Variants in SLC9A9 observed in about 807,000 individuals in gnomAD.
The protein encoded by SLC9A9 is solute carrier family 9 member A9, also known as sodium/hydrogen exchanger 9.
SLC9A9 carries 62 observed loss-of-function variants against 77.8 expected under a neutral mutation model. That is an observed-to-expected ratio of 0.80 (90% CI 0.65 to 0.98). SLC9A9 has a LOEUF of 0.98. Among genes scored for constraint, SLC9A9 ranks in the 50% least tolerant of loss-of-function variants. SLC9A9 has a pLI of 0.00. For missense variants in SLC9A9, 775 were observed against 774.9 expected (o/e 1.00, Z 0.00); for synonymous variants, 320 against 283.5 (o/e 1.13, Z -1.29).
chr3:143,432,395 A>G (rs1486951299), intron 12 of SLC9A9, among the ~76,000 whole-genome samples: 2 of 152,194 alleles, frequency 1.3e-5, no homozygotes, highest in Admixed American at 1.3e-4. Flanking sequence ...AGGCTCATTA[A>G]TAGGCACAGG....
intron 6 of SLC9A9, among the ~76,000 whole-genome samples, chr3:143,618,097 A>G (rs1404280069): frequency 6.6e-6 from 1 of 152,224 alleles, no homozygotes; most frequent in African/African-American, 2.4e-5. Context: ...ACAGCCAAGA[A>G]CACAGCTGAG....
chr3:143,824,930 G>A (rs182457981), intron 2 of SLC9A9, among the ~76,000 whole-genome samples: 28 of 152,224 alleles, frequency 1.8e-4, no homozygotes, highest in Non-Finnish European at 2.6e-4. Flanking sequence ...AGCTGCATCC[G>A]CCCAAACAGC....
chr3:143,479,493 T>C (rs1314073689), intron 11 of SLC9A9, among the ~76,000 whole-genome samples: 1 of 152,102 alleles, frequency 6.6e-6, no homozygotes, highest in Admixed American at 6.5e-5. Flanking sequence ...CCTCAAGCAA[T>C]CCTCCCACTT....
At chr3:143,834,775 G>C (rs2885194) in intron 1 of SLC9A9, among the ~76,000 whole-genome samples, 144,867 of 152,170 alleles carry the variant, frequency 0.95, 69,050 homozygotes, top group East Asian at 1. Context: ...TGGCCTCATT[G>C]TTCGAGAAGA....
At chr3:143,506,685 G>C (rs1309698885) in intron 9 of SLC9A9, among the ~76,000 whole-genome samples, 1 of 152,034 alleles carries the variant, frequency 6.6e-6, no homozygotes, top group Non-Finnish European at 1.5e-5. Flanking sequence ...AAGGCTGGGG[G>C]ACTCTTTTGG....
intron 4 of SLC9A9, among the ~76,000 whole-genome samples, chr3:143,770,899 G>T (rs561629602): frequency 6.6e-6 from 1 of 152,144 alleles, no homozygotes; most frequent in South Asian, 2.1e-4. Context: ...AATACAAATA[G>T]CTCCTAAACA....
At chr3:143,694,174 G>A (rs1420583663) in intron 4 of SLC9A9, among the ~76,000 whole-genome samples, 2 of 152,064 alleles carry the variant, frequency 1.3e-5, no homozygotes, top group Non-Finnish European at 2.9e-5. Context: ...TGAACTTAAA[G>A]TTAGTTCTCA....
At chr3:143,804,022 C>T (rs561720784) in intron 2 of SLC9A9, among the ~76,000 whole-genome samples, 1 of 152,258 alleles carries the variant, frequency 6.6e-6, no homozygotes, top group Admixed American at 6.5e-5. Context: ...ATGTGGACCC[C>T]TCACAACACA....
intron 5 of SLC9A9, among the ~76,000 whole-genome samples, chr3:143,668,075 C>A (rs1169835681): frequency 6.6e-6 from 1 of 152,052 alleles, no homozygotes; most frequent in Non-Finnish European, 1.5e-5. Flanking sequence ...AGACTTGGAA[C>A]CAACCCAAAT....
At chr3:143,676,022 G>A (rs532853851) in intron 5 of SLC9A9, among the ~76,000 whole-genome samples, 15 of 152,234 alleles carry the variant, frequency 9.9e-5, no homozygotes, top group African/African-American at 3.4e-4. Context: ...GGTGGGGATG[G>A]TTTCGGAATG....
intron 9 of SLC9A9, among the ~76,000 whole-genome samples, chr3:143,515,809 T>C (rs967012376): frequency 1.3e-5 from 2 of 152,234 alleles, no homozygotes; most frequent in Non-Finnish European, 2.9e-5. Context: ...TTTATATCTC[T>C]GTTTACGAGA....
chr3:143,419,753 AC>A (rs1482327857), intron 12 of SLC9A9, among the ~76,000 whole-genome samples: 4 of 152,072 alleles, frequency 2.6e-5, no homozygotes, highest in African/African-American at 9.7e-5. Context: ...ATGCAGATAA[AC>A]CCCCACAGGC....
chr3:143,802,470 A>G (rs2008590377), intron 2 of SLC9A9, among the ~76,000 whole-genome samples: 1 of 152,186 alleles, frequency 6.6e-6, no homozygotes. Flanking sequence ...GCCCCGAGTC[A>G]GGAAACTAAA....
intron 2 of SLC9A9, among the ~76,000 whole-genome samples, chr3:143,797,890 A>G (rs747562763): frequency 2.0e-5 from 3 of 152,074 alleles, no homozygotes; most frequent in Non-Finnish European, 4.4e-5. Flanking sequence ...AAAAAGCTTT[A>G]TTGCTCACAC....
chr3:143,507,150 T>C (rs1361528428), intron 9 of SLC9A9, among the ~76,000 whole-genome samples: 1 of 151,952 alleles, frequency 6.6e-6, no homozygotes, highest in Non-Finnish European at 1.5e-5. Flanking sequence ...AGATACCCCA[T>C]ATACCTCCTA....
chr3:143,271,092 T>TA (rs1365696303), intron 14 of SLC9A9, among the ~76,000 whole-genome samples: 1 of 145,846 alleles, frequency 6.9e-6, no homozygotes, highest in Admixed American at 6.8e-5. Context: ...CCTAGTCACT[T>TA]AGTAGCCATT....
intron 5 of SLC9A9, among the ~76,000 whole-genome samples, chr3:143,668,293 G>C (rs1210877126): frequency 7.2e-6 from 1 of 139,530 alleles, no homozygotes; most frequent in Non-Finnish European, 1.5e-5. Flanking sequence ...AGAACACTTG[G>C]ACACAGGGTG....
At chr3:143,594,389 T>C (rs965673135) in intron 6 of SLC9A9, among the ~76,000 whole-genome samples, 9 of 152,254 alleles carry the variant, frequency 5.9e-5, no homozygotes, top group African/African-American at 4.8e-5. Context: ...AGAACTGTGA[T>C]ATGTATCTTA....
Position 143,394,082 on chromosome 3 carries a change from T to TC in SLC9A9, c.1470-11969dup, listed in dbSNP as rs575414949. On this transcript the variant is annotated intron_variant, in intron 12 of 15. Transcript: ENST00000316549. ...TTCCAATCAATAGAAAAAGAGGGAA[T>TC]CCCCCCTAACTCATTTTATGAGGCC... Among the ~76,000 whole-genome samples the TC allele has an allele frequency of 4.2e-3, 642 of 151,886 alleles. 4 individuals are homozygous for TC. The highest frequency in any genetic ancestry group is 0.015 in the African/African-American group (611 of 41,378).
Sources: allele counts gnomAD v4.1 joint callset (sites outside exome capture counted in the v4.1 genomes callset), GRCh38; gene constraint gnomAD v4.1.1; transcripts MANE v1.5; gene names NCBI Gene and HGNC (gene_info 2026-07-23, HGNC 2026-07-21).